The following COL4A5 variants were observed in gnomAD, a reference collection of about 807,000 sequenced individuals.
COL4A5 encodes the protein collagen alpha-5(IV) chain.
A neutral mutation model predicts 130.2 loss-of-function variants in COL4A5; 26 were observed. The ratio of observed to expected loss-of-function variants is 0.20; its 90% CI spans 0.15 to 0.28. The LOEUF is 0.28. COL4A5 is among the 10% of genes least tolerant of loss of function. The pLI, the probability that COL4A5 is intolerant of heterozygous loss-of-function variation, is 1.00. For missense variants in COL4A5, 1,131 were observed against 1,344.3 expected (o/e 0.84, Z 2.48); for synonymous variants, 496 against 439.6 (o/e 1.13, Z -1.60).
intron 29 of COL4A5, among the ~76,000 whole-genome samples, chrX:108,613,698 A>G (rs1055335587): frequency 8.9e-6 from 1 of 111,837 alleles, no homozygotes; most frequent in East Asian, 2.8e-4. Flanking sequence ...AGTATAATTT[A>G]TCATCTGGGA....
At chrX:108,543,874 T>A (rs771685709) in intron 2 of COL4A5, among the ~76,000 whole-genome samples, 4 of 111,856 alleles carry the variant, frequency 3.6e-5, no homozygotes, top group African/African-American at 1.3e-4. Flanking sequence ...GAAGCAATTG[T>A]GAATGGGAGT....
rs371351149 is a variant in COL4A5, at chrX:108,539,788, G to A, written c.124G>A (p.Gly42Ser). ...CSPGSKCDCS[G>S]IKGEKGERGF... The stretch of plus-strand genomic sequence containing the variant: ...TCCAGGATCAAAGTGTGACTGCAGT[G>A]GCATAAAAGGGGAAAAGGTGAGGTC... Residue 42 changes from glycine to serine, a missense_variant, in exon 2 of 53, where the codon GGC becomes AGC. Gly to Ser is a moderately conservative substitution (Grantham distance 56, BLOSUM62 0). Coordinates refer to ENST00000328300, the MANE Select transcript of COL4A5 (RefSeq NM_033380.3). The A allele has an allele frequency of 2.5e-6, 3 of 1,205,032 alleles. No individual in the cohort carries two copies. The highest frequency in any genetic ancestry group is 2.2e-5 in the Admixed American group (1 of 45,580).
intron 21 of COL4A5, among the ~76,000 whole-genome samples, chrX:108,592,664 C>CT (rs1354351138): frequency 9.1e-6 from 1 of 110,051 alleles, no homozygotes; most frequent in Non-Finnish European, 1.9e-5. Context: ...CAGGTCTGTC[C>CT]TTTTTTTGCT....
At chrX:108,581,130 G>GAAAT in intron 16 of COL4A5, 103 bp downstream of exon 16, 1 of 689,725 alleles carries the variant, frequency 1.4e-6, no homozygotes, top group Non-Finnish European at 2.3e-6. Flanking sequence ...GTGGGGTCTG[G>GAAAT]AAATAGTTTA....
At chrX:108,489,930 T>C (rs16985494) in intron 1 of COL4A5, among the ~76,000 whole-genome samples, 10,650 of 111,458 alleles carry the variant, frequency 0.096, 1,156 homozygotes, top group African/African-American at 0.32. Context: ...TTACAAATGA[T>C]AGTGGTGTTT....
chrX:108,515,233 G>A (rs1603261611), intron 1 of COL4A5, among the ~76,000 whole-genome samples: 1 of 111,660 alleles, frequency 9.0e-6, no homozygotes, highest in Non-Finnish European at 1.9e-5. Context: ...CCTAACTTAG[G>A]AAGAGAGAGA....
intron 1 of COL4A5, among the ~76,000 whole-genome samples, chrX:108,497,073 A>G (rs956497873): frequency 9.0e-6 from 1 of 111,705 alleles, no homozygotes; most frequent in Non-Finnish European, 1.9e-5. Context: ...CTCTGTTTCT[A>G]TAGATTTGCC....
chrX:108,597,354 C>CT, intron 23 of COL4A5, 23 bp from the exon 24 acceptor site: 2 of 1,189,305 alleles, frequency 1.7e-6, no homozygotes, highest in Non-Finnish European at 2.3e-6. Flanking sequence ...ACTCTTTTTT[C>CT]TTTTTTTCCT....
At chrX:108,622,444 A>AT (rs2147865087) in intron 32 of COL4A5, among the ~76,000 whole-genome samples, 1 of 112,009 alleles carries the variant, frequency 8.9e-6, no homozygotes, top group African/African-American at 3.2e-5. Flanking sequence ...TTAAGCATTA[A>AT]TTTTTTTATA....
At chrX:108,604,481 T>C (rs2147826992) in intron 28 of COL4A5, among the ~76,000 whole-genome samples, 1 of 112,067 alleles carries the variant, frequency 8.9e-6, no homozygotes, top group East Asian at 2.8e-4. Flanking sequence ...AAATAGCCAG[T>C]ACACTATGCT....
intron 36 of COL4A5, among the ~76,000 whole-genome samples, chrX:108,644,106 A>G (rs1426146668): frequency 8.9e-6 from 1 of 112,265 alleles, no homozygotes; most frequent in Non-Finnish European, 1.9e-5. Context: ...AGACAAAATA[A>G]ACTTTAAAGC....
intron 1 of COL4A5, among the ~76,000 whole-genome samples, chrX:108,487,543 A>G (rs2064957975): frequency 1.8e-5 from 2 of 111,231 alleles, no homozygotes; most frequent in Admixed American, 9.5e-5. Flanking sequence ...TTCCCTGATC[A>G]TTAGTGATGT....
Position 108,686,089 on chromosome X carries a change from A to G in COL4A5, c.4275A>G (p.Ala1425=). The change falls in exon 48 of 53, where the codon GCA becomes GCG. Residue 1425 remains alanine (A), a synonymous_variant. Transcript: ENST00000328300. The part of the protein sequence containing the change: ...GRNGLPGFDG[A]GGRKGDPGLP... ...ATGGACTCCCTGGCTTTGATGGTGC[A>G]GGAGGGCGCAAAGGAGACCCAGGTC... is the stretch of plus-strand genomic sequence containing the variant. 2 of 1,210,992 alleles carry G rather than the reference A, an allele frequency of 1.7e-6. No individual in the cohort carries two copies. The highest frequency in any genetic ancestry group is 3.5e-5 in the African/African-American group (2 of 57,713).
At chrX:108,689,622 G>C in intron 49 of COL4A5, 1 of 754,066 alleles carries the variant, frequency 1.3e-6, no homozygotes, top group Non-Finnish European at 1.6e-6. Context: ...CTCACACAAG[G>C]ATCACATTGG....
chrX:108,662,848 G>GA (rs1317756650), intron 37 of COL4A5, among the ~76,000 whole-genome samples: 1 of 111,942 alleles, frequency 8.9e-6, no homozygotes, highest in Non-Finnish European at 1.9e-5. Flanking sequence ...CGCAGAATTA[G>GA]AAAAAAACTG....
chrX:108,660,462 A>G (rs911629822), intron 37 of COL4A5, among the ~76,000 whole-genome samples: 1 of 111,751 alleles, frequency 8.9e-6, no homozygotes, highest in Non-Finnish European at 1.9e-5. Flanking sequence ...TTATCTGCAA[A>G]TGTCTTTGTT....
chrX:108,697,320 G>T lies in COL4A5; in HGVS notation c.*942G>T, dbSNP rs746484022. 9.0e-6 allele frequency: 1 copy of T among 110,528 alleles called. No homozygotes were observed. The highest frequency in any genetic ancestry group is 3.3e-5 in the African/African-American group (1 of 30,530). 9.1% of individuals were successfully genotyped at this position (110,528 alleles called of 1,213,427 possible). ...CAATTCTTTTCCCTGTGCTTCTTAT[G>T]TAAGAATCCTCCTGTGGCCTCTGCT... On this transcript the variant is annotated 3_prime_UTR_variant, in exon 53 of 53. Coordinates refer to ENST00000328300, the MANE Select transcript of COL4A5 (RefSeq NM_033380.3).
chrX:108,579,252 T>C (rs1397529625), intron 13 of COL4A5, among the ~76,000 whole-genome samples: 1 of 112,440 alleles, frequency 8.9e-6, no homozygotes, highest in Non-Finnish European at 1.9e-5. Flanking sequence ...GAATATTTCA[T>C]ATAAATGGAA....
chrX:108,457,067 G>T (rs1358749378), intron 1 of COL4A5, among the ~76,000 whole-genome samples: 1 of 111,641 alleles, frequency 9.0e-6, no homozygotes, highest in Non-Finnish European at 1.9e-5. Flanking sequence ...TTTGGGGGAG[G>T]AAGAAGGAAA....
Sources: gnomAD v4.1 joint callset for allele counts (sites outside exome capture counted in the v4.1 genomes callset) on GRCh38, gnomAD v4.1.1 for gene constraint, MANE v1.5 for transcripts, NCBI Gene and HGNC (gene_info 2026-07-23, HGNC 2026-07-21) for gene names.